The following TMC1 variants were observed in gnomAD, a reference collection of about 807,000 sequenced individuals.
TMC1 encodes the protein transmembrane channel-like protein 1.
TMC1 carries 84 observed loss-of-function variants against 105.8 expected under a neutral mutation model. The observed-to-expected ratio is 0.79, with a 90% CI of 0.67 to 0.95. TMC1 has a LOEUF of 0.95. TMC1 is among the 40% of genes least tolerant of loss of function. TMC1 has a pLI of 0.00. For synonymous variants in TMC1, 315 were observed against 311.5 expected (o/e 1.01, Z -0.12); for missense variants, 817 against 914.1 (o/e 0.89, Z 1.37).
chr9:72,822,514 TTGTGTGTGTGTGTG>T (rs368968408), intron 20 of TMC1, among the ~76,000 whole-genome samples: 143 of 135,862 alleles, frequency 1.1e-3, no homozygotes, highest in South Asian at 9.9e-3. Flanking sequence ...GTTAATTCCG[TTGTGTGTGTGTGTG>T]TGTGTGTGTG....
intron 2 of TMC1, among the ~76,000 whole-genome samples, chr9:72,596,895 G>A (rs975948963): frequency 2.6e-5 from 4 of 152,226 alleles, no homozygotes; most frequent in African/African-American, 9.6e-5. Flanking sequence ...GAGCTTATGA[G>A]ATACCTGACT....
Position 72,788,357 on chromosome 9 carries a change from T to G in TMC1, c.903T>G (p.Gly301=). ...VVLKAMTKNI[G]DDGGGDDNTF... is the part of the protein sequence containing the mutation. ...TTTGCAGAATGACCAAAAACATTGG[T>G]GATGATGGAGGTGGAGATGACAACA... is the stretch of plus-strand genomic sequence containing the variant. The change falls in exon 14 of 24, where the codon GGT becomes GGG. Residue 301 remains glycine, a synonymous_variant. Coordinates refer to ENST00000297784, the MANE Select transcript of TMC1 (RefSeq NM_138691.3). 1 of 1,614,024 alleles carries G rather than the reference T, an allele frequency of 6.2e-7. No homozygotes were observed. Among genetic ancestry groups the G allele is most frequent in the South Asian group, 1.1e-5 (1 of 91,072 alleles).
At position 72,732,652 on chromosome 9, in the gene TMC1, T is replaced by G. The variant is rs542821646; in HGVS notation, c.363-7467T>G. ...GTGCCAGGTACTGCTTTGCTTACAC[T>G]GTTTCAACTTTTGTATGTATGTCCT... On this transcript the variant is annotated intron_variant, in intron 8 of 23. Coordinates refer to ENST00000297784, the MANE Select transcript of TMC1 (RefSeq NM_138691.3). Among the ~76,000 whole-genome samples, 3 of 152,256 alleles carry G rather than the reference T, an allele frequency of 2.0e-5. No individual in the cohort carries two copies. In the South Asian group the frequency reaches 6.2e-4, roughly 32 times the overall value.
At chr9:72,748,866 C>A (rs1413150472) in intron 10 of TMC1, among the ~76,000 whole-genome samples, 1 of 152,276 alleles carries the variant, frequency 6.6e-6, no homozygotes, top group East Asian at 1.9e-4. Context: ...ACTTTGTCTT[C>A]TGGATTTCTT....
At position 72,540,968 on chromosome 9, in the gene TMC1, A is replaced by G. The variant is rs550179591; in HGVS notation, c.-428+19055A>G. Among the ~76,000 whole-genome samples the G allele has an allele frequency of 2.0e-5, 3 of 152,308 alleles. No homozygotes were observed. The South Asian group carries it at 6.2e-4, about 32-fold the overall frequency. On this transcript the variant is annotated intron_variant, in intron 1 of 23. Transcript: ENST00000297784. ...TTATCTGCCTCCATTAAATCCAATC[A>G]TCAATACTACCCAGCTTTATTAAAA...
Position 72,792,173 on chromosome 9 carries a change from T to C in TMC1, c.1405-18T>C. On this transcript the variant is annotated intron_variant, in intron 16 of 23. Coordinates refer to ENST00000297784, the MANE Select transcript of TMC1 (RefSeq NM_138691.3). ...TCTCTGTTGTCTTCATTTTAGTTTC[T>C]ATCTCTTTGCTTTCTAGATTGAAGA... is the stretch of plus-strand genomic sequence containing the variant. 1 of 1,614,176 alleles carries C rather than the reference T, an allele frequency of 6.2e-7. No homozygotes were observed. The highest frequency in any genetic ancestry group is 8.5e-7 in the Non-Finnish European group (1 of 1,179,994).
At chr9:72,779,436 A>T (rs1043647920) in intron 13 of TMC1, among the ~76,000 whole-genome samples, 2 of 152,234 alleles carry the variant, frequency 1.3e-5, no homozygotes, top group Non-Finnish European at 2.9e-5. Flanking sequence ...AATGACAGAC[A>T]TAGAATTCAG....
intron 8 of TMC1, among the ~76,000 whole-genome samples, chr9:72,734,839 G>A (rs1827272920): frequency 6.6e-6 from 1 of 152,152 alleles, no homozygotes; most frequent in Non-Finnish European, 1.5e-5. Context: ...TTGAAAACAA[G>A]AGGAAAGGAA....
chr9:72,796,336 T>C (rs558871620), intron 17 of TMC1, among the ~76,000 whole-genome samples: 2 of 152,186 alleles, frequency 1.3e-5, no homozygotes, highest in African/African-American at 4.8e-5. Flanking sequence ...TTTCACGAAA[T>C]TGAGGAGGAG....
intron 1 of TMC1, among the ~76,000 whole-genome samples, chr9:72,575,510 C>T (rs761868555): frequency 3.9e-5 from 6 of 152,222 alleles, no homozygotes; most frequent in African/African-American, 9.6e-5. Context: ...AATACCATGT[C>T]GTTAAATTTG....
chr9:72,611,351 G>T (rs950411567), intron 2 of TMC1, among the ~76,000 whole-genome samples: 1 of 152,190 alleles, frequency 6.6e-6, no homozygotes, highest in African/African-American at 2.4e-5. Flanking sequence ...CAAGAGGCAA[G>T]AAATGATGGA....
intron 2 of TMC1, among the ~76,000 whole-genome samples, chr9:72,612,301 G>A (rs1645209906): frequency 6.6e-6 from 1 of 152,072 alleles, no homozygotes; most frequent in South Asian, 2.1e-4. Flanking sequence ...CTCTTGAGTA[G>A]CTGGGACTAC....
chr9:72,628,779 C>A (rs1044213353), intron 4 of TMC1, among the ~76,000 whole-genome samples: 2 of 152,080 alleles, frequency 1.3e-5, no homozygotes, highest in Non-Finnish European at 2.9e-5. Context: ...TTATAGAGAG[C>A]TTTATTTATC....
Position 72,600,365 on chromosome 9 carries a change from G to A in TMC1, c.-305-16003G>A, listed in dbSNP as rs529794682. Among the ~76,000 whole-genome samples the A allele has an allele frequency of 1.8e-4, 28 of 152,296 alleles. 1 individual carries two copies. In the South Asian group the frequency reaches 5.8e-3, roughly 32 times the overall value. Reference sequence around the variant, plus strand: ...CATATACACATCCTCCAGTGTGACAGGATTGTGTATGGAAACAGGTAAGAC... The same window carrying A: ...CATATACACATCCTCCAGTGTGACAAGATTGTGTATGGAAACAGGTAAGAC... On this transcript the variant is annotated intron_variant, in intron 2 of 23. Transcript: ENST00000297784.
chr9:72,702,927 C>T lies in TMC1; in HGVS notation c.362+2284C>T, dbSNP rs371061450. 4.9e-4 allele frequency among the ~76,000 whole-genome samples: 75 copies of T among 152,014 alleles called. 1 individual carries two copies. The South Asian group carries it at 0.014, about 28-fold the overall frequency. ...AGAAGGACAATACGAGCCCTTAGTA[C>T]GAAAGCAGACACTGACAATAAGGAG... On this transcript the variant is annotated intron_variant, in intron 8 of 23. Coordinates refer to ENST00000297784, the MANE Select transcript of TMC1 (RefSeq NM_138691.3).
chr9:72,609,465 A>G (rs1824986293), intron 2 of TMC1, among the ~76,000 whole-genome samples: 1 of 152,114 alleles, frequency 6.6e-6, no homozygotes, highest in African/African-American at 2.4e-5. Flanking sequence ...ACTTGAACCC[A>G]GGAGGCAGAG....
chr9:72,648,682 ACTGT>A lies in TMC1; in HGVS notation c.16+23_16+26del. On this transcript the variant is annotated intron_variant, in intron 5 of 23. Coordinates refer to ENST00000297784, the MANE Select transcript of TMC1 (RefSeq NM_138691.3). ...CAAAAAAGGTATTTACAAAATCAAG[ACTGT>A]CTGTAGGACACTATGTCTTTCTGAG... The A allele has an allele frequency of 6.2e-7, 1 of 1,606,668 alleles. No homozygotes were observed. Among genetic ancestry groups the A allele is most frequent in the Non-Finnish European group, 8.5e-7 (1 of 1,173,304 alleles).
chr9:72,681,440 G>A (rs1388149734), intron 5 of TMC1, among the ~76,000 whole-genome samples: 1 of 151,990 alleles, frequency 6.6e-6, no homozygotes, highest in Admixed American at 6.6e-5. Context: ...AGTAAGAGCT[G>A]TTTTTGTTCT....
intron 8 of TMC1, among the ~76,000 whole-genome samples, chr9:72,703,366 A>G (rs371381185): frequency 1.3e-4 from 20 of 152,288 alleles, no homozygotes; most frequent in African/African-American, 4.3e-4. Flanking sequence ...GCCTCAAGCC[A>G]TCTTCCTACC....
Sources: gnomAD v4.1 joint callset for allele counts (sites outside exome capture counted in the v4.1 genomes callset) on GRCh38, gnomAD v4.1.1 for gene constraint, MANE v1.5 for transcripts, NCBI Gene and HGNC (gene_info 2026-07-23, HGNC 2026-07-21) for gene names.